Variants in ZNF195 observed in about 807,000 individuals in gnomAD.
ZNF195 encodes hypoxia-regulated factor-1.
A neutral mutation model predicts 19.5 loss-of-function variants in ZNF195; 11 were observed. That is an observed-to-expected ratio of 0.57 (90% CI 0.36 to 0.94). ZNF195 has a LOEUF of 0.94. ZNF195 is among the 40% of genes least tolerant of loss of function. The pLI, the probability that ZNF195 is intolerant of heterozygous loss-of-function variation, is 0.01. For synonymous variants in ZNF195, 214 were observed against 248.1 expected (o/e 0.86, Z 1.29); for missense variants, 582 against 709.0 (o/e 0.82, Z 2.03).
chr11:3,362,907 C>A, intron 3 of ZNF195: 1 of 181,964 alleles, frequency 5.5e-6, no homozygotes, highest in Non-Finnish European at 1.1e-5. Context: ...ACATTTCATG[C>A]AAATGTTAAT....
chr11:3,358,776 T>C lies in ZNF195; in HGVS notation c.*342A>G. The C allele has an allele frequency of 3.4e-5, 2 of 58,072 alleles. No individual in the cohort carries two copies. Among genetic ancestry groups the C allele is most frequent in the Non-Finnish European group, 5.3e-5 (2 of 38,006 alleles). 3.6% of individuals were successfully genotyped at this position (58,072 alleles called of 1,614,324 possible). A position where few individuals can be genotyped will look rare whatever the true frequency, so the allele number is the denominator to read the frequency against. ...TTTCTGAACGTGTCCTTGCTTATTTTTCCCATTTAGTGTATTTGCAAAATA... is the reference window on the plus strand; with the variant it reads ...TTTCTGAACGTGTCCTTGCTTATTTCTCCCATTTAGTGTATTTGCAAAATA... On this transcript the variant is annotated 3_prime_UTR_variant, in exon 6 of 6. Transcript: ENST00000399602.
At chr11:3,377,734 A>G in intron 1 of ZNF195, 1 of 1,085,688 alleles carries the variant, frequency 9.2e-7, no homozygotes, top group Non-Finnish European at 1.1e-6. Flanking sequence ...CAGGGCCTGA[A>G]ATTCACTAGA....
intron 3 of ZNF195, chr11:3,362,869 G>A (rs897498446): frequency 4.5e-6 from 1 of 222,054 alleles, no homozygotes; most frequent in Non-Finnish European, 8.8e-6. Context: ...ATGACAAAAA[G>A]AGACTGAAAG....
At chr11:3,371,952 T>C (rs988359477) in intron 1 of ZNF195, among the ~76,000 whole-genome samples, 7 of 152,246 alleles carry the variant, frequency 4.6e-5, no homozygotes, top group African/African-American at 1.7e-4. Flanking sequence ...CATTTTTGAG[T>C]GCTACATTTA....
intron 3 of ZNF195, chr11:3,362,441 C>A (rs1275101581): frequency 2.7e-6 from 1 of 370,000 alleles, no homozygotes; most frequent in African/African-American, 2.1e-5. Flanking sequence ...AATGGATATA[C>A]AACATTAAAT....
At chr11:3,370,149 C>A (rs1222986620) in intron 3 of ZNF195, among the ~76,000 whole-genome samples, 3 of 151,814 alleles carry the variant, frequency 2.0e-5, no homozygotes, top group Non-Finnish European at 4.4e-5. Flanking sequence ...CCTATCATTT[C>A]AAAAGGATAT....
intron 1 of ZNF195, chr11:3,375,639 C>T (rs888323439): frequency 6.6e-6 from 1 of 151,846 alleles, no homozygotes; most frequent in African/African-American, 2.4e-5. Context: ...GGGACCATGG[C>T]TGCCTTCTCT....
intron 3 of ZNF195, 181 bp downstream of exon 3, chr11:3,370,794 T>C: frequency 5.3e-6 from 3 of 566,504 alleles, no homozygotes; most frequent in Non-Finnish European, 6.3e-6. Flanking sequence ...GCAGAGTCTA[T>C]ACAAAATTTG....
At position 3,376,196 on chromosome 11, in the gene ZNF195, T is replaced by C. The variant is rs373134597; in HGVS notation, c.3+2842A>G. On this transcript the variant is annotated intron_variant, in intron 1 of 5. Coordinates refer to ENST00000399602, the MANE Select transcript of ZNF195 (RefSeq NM_001130520.3). ...CAGCTTCTCTCTGTAGAAAGGCTCCTTCCATGGTTGCTGTGAGCAGTCTGG... is the reference window on the plus strand; with the variant it reads ...CAGCTTCTCTCTGTAGAAAGGCTCCCTCCATGGTTGCTGTGAGCAGTCTGG... Among the ~76,000 whole-genome samples the C allele has an allele frequency of 1.1e-4, 16 of 152,052 alleles. No homozygotes were observed. The South Asian group carries it at 3.3e-3, about 31-fold the overall frequency.
At position 3,361,837 on chromosome 11, in the gene ZNF195, G is replaced by T; in HGVS notation, c.279C>A (p.Ser93Arg). Residue 93 changes from serine to arginine, a missense_variant, in exon 4 of 6, where the codon AGC (serine) becomes AGA (arginine). Transcript: ENST00000399602. ...TQACLELLGS[S>R]DLPASASQSA... ...TTTGGGAGGCTGAGGCAGGCAGATC[G>T]CTTGAGCCCAGGAGTTCAAGACAAG... The T allele has an allele frequency of 1.5e-6, 1 of 648,850 alleles. No homozygotes were observed. Among genetic ancestry groups the T allele is most frequent in the Non-Finnish European group, 2.5e-6 (1 of 393,560 alleles). 40.2% of individuals were successfully genotyped at this position (648,850 alleles called of 1,614,324 possible). A position where few individuals can be genotyped will look rare whatever the true frequency, so the allele number is the denominator to read the frequency against.
rs527811228 is a variant in ZNF195, at chr11:3,362,633, G to T, written c.227-744C>A. The T allele has an allele frequency of 2.2e-3, 1,194 of 547,574 alleles. 6 individuals carry two copies. Among genetic ancestry groups the T allele is most frequent in the Non-Finnish European group, 3.3e-3 (987 of 303,014 alleles). 33.9% of individuals were successfully genotyped at this position (547,574 alleles called of 1,614,324 possible). ...AGACACACAAAAGAAAATTTAAAAA[G>T]AGTCAAAGCTTATTATACAAAGTAC... On this transcript the variant is annotated intron_variant, in intron 3 of 5. Coordinates refer to ENST00000399602, the MANE Select transcript of ZNF195 (RefSeq NM_001130520.3).
intron 3 of ZNF195, among the ~76,000 whole-genome samples, chr11:3,370,268 G>A (rs918044611): frequency 5.3e-4 from 80 of 151,910 alleles, no homozygotes; most frequent in African/African-American, 1.7e-4. Flanking sequence ...GAATGACAGA[G>A]TCCTGATAAG....
In ZNF195 at chr11:3,373,173, T is replaced by A. The variant is rs116881961; in HGVS notation, c.4-1470A>T. On this transcript the variant is annotated intron_variant, in intron 1 of 5. Coordinates refer to ENST00000399602, the MANE Select transcript of ZNF195 (RefSeq NM_001130520.3). ...CTGGTTTAAATGTTTATTTTCTTAGTCCTGTTCTGCATGCAGCTTATGGAG... is the reference window on the plus strand; with the variant it reads ...CTGGTTTAAATGTTTATTTTCTTAGACCTGTTCTGCATGCAGCTTATGGAG... Among the ~76,000 whole-genome samples the A allele has an allele frequency of 1.9e-3, 282 of 152,354 alleles. 7 individuals carry two copies. The East Asian group carries it at 0.048, about 26-fold the overall frequency.
chr11:3,378,921 G>A lies in ZNF195; in HGVS notation c.3+117C>T, dbSNP rs1334395590. On this transcript the variant is annotated intron_variant, in intron 1 of 5. Coordinates refer to ENST00000399602, the MANE Select transcript of ZNF195 (RefSeq NM_001130520.3). Reference sequence around the variant, plus strand: ...CCGGCCGCCATGGTGCAGCTGGAGGGGCCTCGGGTCCGCGGAGCCCGGAAC... The same window carrying A: ...CCGGCCGCCATGGTGCAGCTGGAGGAGCCTCGGGTCCGCGGAGCCCGGAAC... 4.1e-6 allele frequency: 5 copies of A among 1,218,988 alleles called. No individual in the cohort carries two copies. In the Admixed American group the frequency reaches 1.6e-4, roughly 40 times the overall value. The allele number at this position is 1,218,988 out of a possible 1,614,324, so 75.5% of individuals were successfully genotyped here. A position where few individuals can be genotyped will look rare whatever the true frequency, so the allele number is the denominator to read the frequency against.
intron 3 of ZNF195, chr11:3,366,983 C>T (rs775502858): frequency 6.6e-6 from 3 of 451,612 alleles, no homozygotes; most frequent in African/African-American, 2.0e-5. Context: ...GAAGAAGGCT[C>T]GAGCCCAGGA....
chr11:3,361,850 A>C lies in ZNF195; in HGVS notation c.266T>G (p.Leu89Arg), dbSNP rs915251192. Residue 89 changes from leucine (L) to arginine (R), a missense_variant, in exon 4 of 6, where the codon CTC becomes CGC. By Grantham distance (102) the Leu-to-Arg change is moderately radical. Coordinates refer to ENST00000399602, the MANE Select transcript of ZNF195 (RefSeq NM_001130520.3). The stretch of plus-strand genomic sequence containing the variant: ...GGCAGGCAGATCGCTTGAGCCCAGG[A>C]GTTCAAGACAAGCCTGAGTAGCATG... ...FHHATQACLE[L>R]LGSSDLPASA... is the part of the protein sequence containing the mutation. The C allele has an allele frequency of 2.6e-5, 14 of 547,492 alleles. No individual in the cohort carries two copies. Among genetic ancestry groups the C allele is most frequent in the African/African-American group, 2.5e-4 (13 of 51,232 alleles). The allele number at this position is 547,492 out of a possible 1,614,324, so 33.9% of individuals were successfully genotyped here.
intron 3 of ZNF195, among the ~76,000 whole-genome samples, chr11:3,363,053 T>C (rs953187785): frequency 5.9e-5 from 9 of 152,134 alleles, no homozygotes; most frequent in Admixed American, 1.3e-4. Flanking sequence ...GAAGGGAGAA[T>C]GAACTGGGAA....
At chr11:3,365,066 T>G (rs1475461350) in intron 3 of ZNF195, among the ~76,000 whole-genome samples, 1 of 152,210 alleles carries the variant, frequency 6.6e-6, no homozygotes, top group Non-Finnish European at 1.5e-5. Flanking sequence ...TAATAGCATG[T>G]AATGGCAAAA....
intron 1 of ZNF195, among the ~76,000 whole-genome samples, chr11:3,377,071 G>T (rs78500616): frequency 0.01 from 1,598 of 152,238 alleles, 11 homozygotes; most frequent in Non-Finnish European, 0.016. Flanking sequence ...CTCTGGAGAA[G>T]AAAAAGGTAT....
Sources: gnomAD v4.1 joint callset for allele counts (sites outside exome capture counted in the v4.1 genomes callset) on GRCh38, gnomAD v4.1.1 for gene constraint, MANE v1.5 for transcripts, NCBI Gene and HGNC (gene_info 2026-07-23, HGNC 2026-07-21) for gene names.